The following AKAP19 variants were observed in gnomAD, a reference collection of about 807,000 sequenced individuals.
The protein encoded by AKAP19 is small A-kinase anchoring protein.
the AKAP19 span, among the ~76,000 whole-genome samples, chr2:190,106,788 T>A: frequency 6.6e-6 from 1 of 152,120 alleles, no homozygotes; most frequent in African/African-American, 2.4e-5. Context: ...TAAAAAAAAA[T>A]AAGTACTACT....
chr2:189,917,803 A>G, the AKAP19 span: 1 of 154,716 alleles, frequency 6.5e-6, no homozygotes, highest in Non-Finnish European at 1.4e-5. Context: ...GAGTAGGACC[A>G]TTTACATTTA....
At chr2:190,063,255 T>C in the AKAP19 span, among the ~76,000 whole-genome samples, 1 of 152,224 alleles carries the variant, frequency 6.6e-6, no homozygotes, top group Admixed American at 6.5e-5. Flanking sequence ...AGAATTTTCA[T>C]CTATAATTTG....
the AKAP19 span, among the ~76,000 whole-genome samples, chr2:190,166,787 T>G: frequency 6.6e-6 from 1 of 152,100 alleles, no homozygotes; most frequent in African/African-American, 2.4e-5. Context: ...TGCCAAGCCC[T>G]ACAACAAACA....
At chr2:190,017,770 A>G in the AKAP19 span, among the ~76,000 whole-genome samples, 2 of 152,090 alleles carry the variant, frequency 1.3e-5, no homozygotes. Context: ...CTTTTGTTTT[A>G]TGTTATTACT....
At chr2:190,111,929 G>A in the AKAP19 span, among the ~76,000 whole-genome samples, 33 of 151,694 alleles carry the variant, frequency 2.2e-4, no homozygotes, top group African/African-American at 7.5e-4. Flanking sequence ...ATGGAGTCTC[G>A]CTCTGTCGCC....
At chr2:190,002,480 C>CATGT in the AKAP19 span, among the ~76,000 whole-genome samples, 1 of 152,016 alleles carries the variant, frequency 6.6e-6, no homozygotes, top group Non-Finnish European at 1.5e-5. Flanking sequence ...CAACATGGCA[C>CATGT]ATGTATACAT....
the AKAP19 span, among the ~76,000 whole-genome samples, chr2:190,081,752 CAGTA>C: frequency 6.6e-6 from 1 of 152,176 alleles, no homozygotes; most frequent in Non-Finnish European, 1.5e-5. Context: ...GCCCTCTCCT[CAGTA>C]AGTCTCTTCA....
At chr2:190,095,983 A>G in the AKAP19 span, among the ~76,000 whole-genome samples, 2 of 152,144 alleles carry the variant, frequency 1.3e-5, no homozygotes, top group African/African-American at 4.8e-5. Context: ...GACTGAAACC[A>G]CATCAGTTCT....
the AKAP19 span, among the ~76,000 whole-genome samples, chr2:190,187,072 T>C: frequency 1.3e-5 from 2 of 152,210 alleles, no homozygotes; most frequent in Non-Finnish European, 1.5e-5. Flanking sequence ...ACTCCTGACC[T>C]CAGGTGATCT....
At chr2:189,949,018 A>G in the AKAP19 span, among the ~76,000 whole-genome samples, 27 of 152,204 alleles carry the variant, frequency 1.8e-4, no homozygotes, top group South Asian at 3.5e-3. Context: ...GGCCTAATCT[A>G]GGAAGTAGGA....
At chr2:190,047,857 A>AT in the AKAP19 span, among the ~76,000 whole-genome samples, 1 of 152,080 alleles carries the variant, frequency 6.6e-6, no homozygotes, top group Non-Finnish European at 1.5e-5. Context: ...GGATGTGTAA[A>AT]TTTTTTCCTC....
the AKAP19 span, among the ~76,000 whole-genome samples, chr2:190,104,315 C>T: frequency 1.3e-5 from 2 of 152,032 alleles, no homozygotes; most frequent in Non-Finnish European, 2.9e-5. Context: ...GCAATTGCAA[C>T]AAAACCAAAA....
the AKAP19 span, among the ~76,000 whole-genome samples, chr2:190,188,867 C>T: frequency 2.6e-5 from 4 of 152,072 alleles, no homozygotes; most frequent in African/African-American, 9.7e-5. Flanking sequence ...GAAACTATAG[C>T]ATGAAAATCT....
the AKAP19 span, among the ~76,000 whole-genome samples, chr2:189,884,179 C>T: frequency 6.6e-6 from 1 of 152,038 alleles, no homozygotes; most frequent in African/African-American, 2.4e-5. Context: ...ATGGAGCGAA[C>T]ATATTTATGG....
chr2:190,001,328 C>A, the AKAP19 span, among the ~76,000 whole-genome samples: 1 of 152,076 alleles, frequency 6.6e-6, no homozygotes, highest in East Asian at 1.9e-4. Context: ...GAGTACCATA[C>A]TCAGTTTCTA....
the AKAP19 span, among the ~76,000 whole-genome samples, chr2:189,891,561 C>T: frequency 4.6e-5 from 7 of 152,022 alleles, no homozygotes; most frequent in Admixed American, 6.6e-5. Context: ...TATTGGCCCG[C>T]GCTCTCTTCT....
the AKAP19 span, among the ~76,000 whole-genome samples, chr2:190,055,149 T>C: frequency 6.6e-6 from 1 of 152,002 alleles, no homozygotes; most frequent in Admixed American, 6.6e-5. Flanking sequence ...TATGCAGCCA[T>C]ACAAAATGAT....
At chr2:189,997,432 C>G in the AKAP19 span, among the ~76,000 whole-genome samples, 1 of 152,132 alleles carries the variant, frequency 6.6e-6, no homozygotes, top group Non-Finnish European at 1.5e-5. Context: ...GGTCTGAGTT[C>G]AGACTCTCCT....
the AKAP19 span, among the ~76,000 whole-genome samples, chr2:190,068,520 G>A: frequency 1.5e-4 from 23 of 152,066 alleles, no homozygotes; most frequent in Admixed American, 1.0e-3. Flanking sequence ...TAGTAGAGAC[G>A]GCGTTTTGCC....
Sources: gnomAD v4.1 joint callset for allele counts (sites outside exome capture counted in the v4.1 genomes callset) on GRCh38, gnomAD v4.1.1 for gene constraint, MANE v1.5 for transcripts, NCBI Gene and HGNC (gene_info 2026-07-23, HGNC 2026-07-21) for gene names.